The following BEND6 variants were observed in gnomAD, a reference collection of about 807,000 sequenced individuals.
BEND6 encodes BEN domain-containing protein 6.
A neutral mutation model predicts 31.8 loss-of-function variants in BEND6; 24 were observed. That is an observed-to-expected ratio of 0.75 (90% CI 0.55 to 1.06). The LOEUF is 1.06. Ranked by LOEUF, BEND6 falls within the 50% of genes least tolerant of loss-of-function variation. The pLI, the probability that BEND6 is intolerant of heterozygous loss-of-function variation, is 0.00. For synonymous variants in BEND6, 109 were observed against 114.6 expected (o/e 0.95, Z 0.31); for missense variants, 294 against 327.4 (o/e 0.90, Z 0.79).
At chr6:56,990,447 A>G (rs1176455056) in intron 2 of BEND6, among the ~76,000 whole-genome samples, 1 of 151,944 alleles carries the variant, frequency 6.6e-6, no homozygotes, top group Non-Finnish European at 1.5e-5. Context: ...AGGTTTTGCC[A>G]CATTCCCCAG....
intron 1 of BEND6, among the ~76,000 whole-genome samples, chr6:56,973,219 T>C (rs1444989090): frequency 6.6e-6 from 1 of 152,212 alleles, no homozygotes; most frequent in Non-Finnish European, 1.5e-5. Context: ...TGAAGTAAGA[T>C]TCTGACATCT....
intron 3 of BEND6, among the ~76,000 whole-genome samples, chr6:57,012,242 A>G (rs1297694587): frequency 6.6e-6 from 1 of 152,258 alleles, no homozygotes; most frequent in East Asian, 1.9e-4. Context: ...GTTAGCAATA[A>G]AAAGGAATGA....
At chr6:57,017,808 A>T (rs1369611607) in intron 5 of BEND6, among the ~76,000 whole-genome samples, 1 of 152,190 alleles carries the variant, frequency 6.6e-6, no homozygotes, top group Non-Finnish European at 1.5e-5. Flanking sequence ...AATATAATCT[A>T]GATTATCCAA....
intron 1 of BEND6, among the ~76,000 whole-genome samples, chr6:56,971,075 G>A (rs548771245): frequency 2.0e-5 from 3 of 152,068 alleles, no homozygotes; most frequent in African/African-American, 4.8e-5. Flanking sequence ...TCCATCTCCA[G>A]GATACTTTTC....
At chr6:56,976,779 GGCCTT>G (rs1417096063) in intron 1 of BEND6, among the ~76,000 whole-genome samples, 1 of 151,390 alleles carries the variant, frequency 6.6e-6, no homozygotes, top group African/African-American at 2.4e-5. Context: ...TGGCCAAGCT[GGCCTT>G]GAATTACTGG....
intron 2 of BEND6, among the ~76,000 whole-genome samples, 196 bp downstream of exon 2, chr6:56,982,126 G>T (rs1018282502): frequency 2.6e-5 from 4 of 151,874 alleles, no homozygotes; most frequent in Non-Finnish European, 5.9e-5. Flanking sequence ...TCCCTGTGTT[G>T]CCCAGGCTGG....
chr6:56,984,764 A>G (rs1592989808), intron 2 of BEND6, among the ~76,000 whole-genome samples: 1 of 152,208 alleles, frequency 6.6e-6, no homozygotes, highest in African/African-American at 2.4e-5. Context: ...ACAGTTATCT[A>G]AACAATATAC....
intron 5 of BEND6, 28 bp downstream of exon 5, chr6:57,017,427 G>A (rs1031280085): frequency 2.5e-5 from 32 of 1,293,870 alleles, no homozygotes; most frequent in East Asian, 2.0e-4. Flanking sequence ...TTATATTGTC[G>A]TATGAATTTT....
chr6:56,994,581 G>A (rs1485031417), intron 3 of BEND6, among the ~76,000 whole-genome samples: 1 of 151,058 alleles, frequency 6.6e-6, no homozygotes, highest in Non-Finnish European at 1.5e-5. Context: ...CCCCACTAAG[G>A]TTTCCTCATC....
chr6:56,959,106 A>C (rs1270032305), intron 1 of BEND6, among the ~76,000 whole-genome samples: 2 of 152,222 alleles, frequency 1.3e-5, no homozygotes, highest in Non-Finnish European at 2.9e-5. Context: ...AAATAATTAA[A>C]GAGAAGGGAG....
At chr6:56,998,339 G>A (rs550525373) in intron 3 of BEND6, among the ~76,000 whole-genome samples, 16 of 152,136 alleles carry the variant, frequency 1.1e-4, no homozygotes, top group Non-Finnish European at 2.1e-4. Context: ...TAAGAAAAAT[G>A]GCAGAATGAA....
intron 3 of BEND6, chr6:57,009,374 C>T (rs1228716890): frequency 6.6e-6 from 1 of 152,066 alleles, no homozygotes; most frequent in Admixed American, 6.6e-5. Context: ...TGTATCAAAA[C>T]ATCATTATTT....
intron 2 of BEND6, among the ~76,000 whole-genome samples, chr6:56,984,693 A>T (rs1479651934): frequency 1.3e-5 from 2 of 152,214 alleles, no homozygotes; most frequent in East Asian, 3.8e-4. Flanking sequence ...GATTGTAAGC[A>T]TGAAAACTGT....
At chr6:56,997,888 C>T (rs750575762) in intron 3 of BEND6, among the ~76,000 whole-genome samples, 1 of 151,956 alleles carries the variant, frequency 6.6e-6, no homozygotes, top group African/African-American at 2.4e-5. Context: ...AAAGTCCCTA[C>T]TATGTGAAAG....
At chr6:57,008,502 T>C (rs1827239045) in intron 3 of BEND6, 2 of 358,568 alleles carry the variant, frequency 5.6e-6, no homozygotes, top group South Asian at 9.0e-5. Flanking sequence ...GTCTGTGTGA[T>C]TGTCAGGGAG....
intron 3 of BEND6, among the ~76,000 whole-genome samples, chr6:57,001,110 A>G (rs1826923689): frequency 6.6e-6 from 1 of 151,794 alleles, no homozygotes; most frequent in African/African-American, 2.4e-5. Context: ...CATCACCAAG[A>G]CATAGAGTCA....
chr6:56,973,421 C>T (rs1825758748), intron 1 of BEND6, among the ~76,000 whole-genome samples: 1 of 152,086 alleles, frequency 6.6e-6, no homozygotes, highest in Non-Finnish European at 1.5e-5. Flanking sequence ...GTGGGTTGTA[C>T]CGAACTCTAT....
At chr6:56,957,816 C>T (rs1027090998) in intron 1 of BEND6, among the ~76,000 whole-genome samples, 1 of 152,074 alleles carries the variant, frequency 6.6e-6, no homozygotes, top group Non-Finnish European at 1.5e-5. Flanking sequence ...GAGTTTGATA[C>T]CACGTATGTA....
intron 1 of BEND6, among the ~76,000 whole-genome samples, chr6:56,963,487 C>G (rs1825357899): frequency 6.6e-6 from 1 of 152,178 alleles, no homozygotes. Flanking sequence ...CCCAGCATCT[C>G]CAGAAAACTG....
Sources: gnomAD v4.1 joint callset for allele counts (sites outside exome capture counted in the v4.1 genomes callset) on GRCh38, gnomAD v4.1.1 for gene constraint, MANE v1.5 for transcripts, NCBI Gene and HGNC (gene_info 2026-07-23, HGNC 2026-07-21) for gene names.